The following PARD3 variants were observed in gnomAD, a reference collection of about 807,000 sequenced individuals.
The protein encoded by PARD3 is par-3 family cell polarity regulator, also known as partitioning defective 3 homolog.
PARD3 carries 75 observed loss-of-function variants against 155.4 expected under a neutral mutation model. That is an observed-to-expected ratio of 0.48 (90% CI 0.40 to 0.58). The LOEUF (loss-of-function observed/expected upper bound fraction) is 0.58. Among genes scored for constraint, PARD3 ranks in the 20% least tolerant of loss-of-function variants. The pLI, the probability that PARD3 is intolerant of heterozygous loss-of-function variation, is 0.00. For missense variants in PARD3, 1,642 were observed against 1,721.7 expected, an observed-to-expected ratio of 0.95 and a Z score of 0.82; for synonymous variants, 576 against 610.5, an observed-to-expected ratio of 0.94 and a Z score of 0.83.
chr10:34,232,513 T>G (rs1242615578), intron 22 of PARD3, among the ~76,000 whole-genome samples: 1 of 152,122 alleles, frequency 6.6e-6, no homozygotes, highest in Non-Finnish European at 1.5e-5. Flanking sequence ...TCAAACAAGA[T>G]GACTTTTATA....
intron 2 of PARD3, among the ~76,000 whole-genome samples, chr10:34,524,128 T>C (rs1169412606): frequency 6.6e-6 from 1 of 152,180 alleles, no homozygotes; most frequent in Non-Finnish European, 1.5e-5. Context: ...TATCACAGTG[T>C]ATTATCCAAC....
chr10:34,393,831 T>C (rs1230050975), intron 7 of PARD3, among the ~76,000 whole-genome samples: 4 of 141,348 alleles, frequency 2.8e-5, no homozygotes, highest in African/African-American at 1.1e-4. Flanking sequence ...GTAAGAATAG[T>C]AGTAATTTTT....
At chr10:34,766,301 A>G (rs1838077811) in intron 1 of PARD3, among the ~76,000 whole-genome samples, 1 of 152,220 alleles carries the variant, frequency 6.6e-6, no homozygotes, top group Non-Finnish European at 1.5e-5. Flanking sequence ...GCAGGTCAGA[A>G]GTGGGTATTT....
At chr10:34,566,108 G>C (rs901199281) in intron 2 of PARD3, among the ~76,000 whole-genome samples, 5 of 152,174 alleles carry the variant, frequency 3.3e-5, no homozygotes, top group African/African-American at 7.2e-5. Flanking sequence ...TGGGAATGAG[G>C]AATAATGTCC....
intron 2 of PARD3, among the ~76,000 whole-genome samples, chr10:34,692,932 C>A (rs375440709): frequency 4.6e-5 from 7 of 152,054 alleles, no homozygotes; most frequent in Admixed American, 3.3e-4. Flanking sequence ...ATACACATGG[C>A]CAATAAGCTT....
At chr10:34,661,066 C>CG (rs2093313839) in intron 2 of PARD3, among the ~76,000 whole-genome samples, 1 of 152,094 alleles carries the variant, frequency 6.6e-6, no homozygotes, top group African/African-American at 2.4e-5. Flanking sequence ...TTACATGGGG[C>CG]AGAAACACTC....
intron 1 of PARD3, among the ~76,000 whole-genome samples, chr10:34,733,369 A>C (rs1316630119): frequency 1.3e-5 from 2 of 152,336 alleles, no homozygotes; most frequent in Non-Finnish European, 2.9e-5. Context: ...ATTTAAATAA[A>C]AATTTTATTC....
chr10:34,765,853 A>G (rs778568586), intron 1 of PARD3, among the ~76,000 whole-genome samples: 1 of 152,110 alleles, frequency 6.6e-6, no homozygotes, highest in Non-Finnish European at 1.5e-5. Flanking sequence ...TCATTTATTA[A>G]CTCATGTGAT....
At chr10:34,633,713 A>G (rs2092364286) in intron 2 of PARD3, among the ~76,000 whole-genome samples, 1 of 152,234 alleles carries the variant, frequency 6.6e-6, no homozygotes, top group Non-Finnish European at 1.5e-5. Flanking sequence ...TTGCTGGACC[A>G]TATGGTAAGT....
chr10:34,170,350 T>A (rs180880589), intron 22 of PARD3, among the ~76,000 whole-genome samples: 1 of 152,254 alleles, frequency 6.6e-6, no homozygotes, highest in Non-Finnish European at 1.5e-5. Flanking sequence ...CCTCTCAAAG[T>A]ATTGGTATTA....
intron 2 of PARD3, among the ~76,000 whole-genome samples, chr10:34,662,230 C>T (rs1388797064): frequency 2.6e-5 from 4 of 152,116 alleles, no homozygotes; most frequent in Non-Finnish European, 5.9e-5. Flanking sequence ...GTTAAAATGG[C>T]TTTTACCCAA....
At chr10:34,701,276 GAC>G (rs2094271207) in intron 1 of PARD3, among the ~76,000 whole-genome samples, 1 of 152,164 alleles carries the variant, frequency 6.6e-6, no homozygotes, top group South Asian at 2.1e-4. Flanking sequence ...ATATCAAAAA[GAC>G]ACACTTATTT....
chr10:34,575,474 C>T (rs1590075986), intron 2 of PARD3, among the ~76,000 whole-genome samples: 1 of 152,172 alleles, frequency 6.6e-6, no homozygotes, highest in East Asian at 1.9e-4. Flanking sequence ...TATTTCTGCA[C>T]ATAAAGAGCA....
intron 5 of PARD3, among the ~76,000 whole-genome samples, chr10:34,439,474 T>C (rs374636135): frequency 6.6e-6 from 1 of 152,182 alleles, no homozygotes; most frequent in African/African-American, 2.4e-5. Context: ...TTTTTTCTTT[T>C]CTTGAGAGAG....
intron 2 of PARD3, among the ~76,000 whole-genome samples, chr10:34,550,079 G>A (rs887904224): frequency 1.3e-5 from 2 of 152,156 alleles, no homozygotes; most frequent in Non-Finnish European, 1.5e-5. Context: ...GGCTCCATGA[G>A]GTGAATCACG....
intron 22 of PARD3, among the ~76,000 whole-genome samples, chr10:34,237,882 C>T (rs1397695516): frequency 6.6e-6 from 1 of 152,042 alleles, no homozygotes; most frequent in Non-Finnish European, 1.5e-5. Context: ...TTTCATCAGG[C>T]CAAATGATGG....
At chr10:34,474,296 C>A (rs573303647) in intron 3 of PARD3, among the ~76,000 whole-genome samples, 62 of 152,242 alleles carry the variant, frequency 4.1e-4, no homozygotes, top group Admixed American at 1.0e-3. Context: ...GCAGCATAAC[C>A]CAGGTCCAAA....
intron 22 of PARD3, among the ~76,000 whole-genome samples, chr10:34,253,419 T>TTA (rs1825907918): frequency 1.3e-5 from 2 of 152,162 alleles, no homozygotes; most frequent in African/African-American, 4.8e-5. Flanking sequence ...TAAAACTATA[T>TTA]TAAAGACATT....
intron 22 of PARD3, among the ~76,000 whole-genome samples, chr10:34,152,358 TA>T (rs1948818704): frequency 6.6e-6 from 1 of 152,258 alleles, no homozygotes; most frequent in African/African-American, 2.4e-5. Context: ...ACTACCCAGC[TA>T]GGCTGTATGG....
Sources: allele counts gnomAD v4.1 joint callset (sites outside exome capture counted in the v4.1 genomes callset), GRCh38; gene constraint gnomAD v4.1.1; transcripts MANE v1.5; gene names NCBI Gene and HGNC (gene_info 2026-07-23, HGNC 2026-07-21).